The following KIFAP3 variants were observed in gnomAD, a reference collection of about 807,000 sequenced individuals.
KIFAP3 encodes the protein kinesin-associated protein 3.
In KIFAP3, 68 loss-of-function variants were observed where a neutral mutation model predicts 106.5. The observed-to-expected ratio is 0.64, with a 90% CI of 0.53 to 0.78. KIFAP3 has a LOEUF of 0.78. KIFAP3 is among the 30% of genes least tolerant of loss of function. The pLI is 0.00. For synonymous variants in KIFAP3, 320 were observed against 311.5 expected (o/e 1.03, Z -0.29); for missense variants, 780 against 941.8 (o/e 0.83, Z 2.25).
intron 19 of KIFAP3, among the ~76,000 whole-genome samples, chr1:169,938,628 A>G (rs1663936407): frequency 6.6e-6 from 1 of 152,146 alleles, no homozygotes; most frequent in Admixed American, 6.6e-5. Flanking sequence ...GTGCCAGTAG[A>G]TAGAACTTTG....
intron 17 of KIFAP3, among the ~76,000 whole-genome samples, chr1:169,970,340 A>G (rs1175800708): frequency 6.6e-6 from 1 of 152,088 alleles, no homozygotes; most frequent in African/African-American, 2.4e-5. Flanking sequence ...CTTGGTATCC[A>G]GAGTACTGCC....
chr1:170,051,981 A>G (rs1670597859), intron 2 of KIFAP3, among the ~76,000 whole-genome samples: 1 of 152,164 alleles, frequency 6.6e-6, no homozygotes, highest in South Asian at 2.1e-4. Context: ...AGAAGACAAG[A>G]AATAACTAAG....
intron 16 of KIFAP3, among the ~76,000 whole-genome samples, chr1:169,975,323 ACTAG>A (rs1277608803): frequency 6.6e-6 from 1 of 152,124 alleles, no homozygotes; most frequent in Non-Finnish European, 1.5e-5. Flanking sequence ...ATAAGTCTAC[ACTAG>A]CTATCTCATA....
chr1:169,941,313 T>C (rs959567570), intron 19 of KIFAP3, among the ~76,000 whole-genome samples: 2 of 152,178 alleles, frequency 1.3e-5, no homozygotes, highest in Admixed American at 6.5e-5. Flanking sequence ...ACCCTCCTCT[T>C]GTATTGGGGT....
chr1:169,938,816 T>C (rs1663947019), intron 19 of KIFAP3, among the ~76,000 whole-genome samples: 1 of 152,152 alleles, frequency 6.6e-6, no homozygotes, highest in South Asian at 2.1e-4. Context: ...ACTTGAAAGG[T>C]AAGAAGAAGC....
chr1:170,004,885 C>T (rs1312120080), intron 10 of KIFAP3, among the ~76,000 whole-genome samples: 1 of 151,624 alleles, frequency 6.6e-6, no homozygotes, highest in East Asian at 1.9e-4. Flanking sequence ...AGAACTTCTG[C>T]ACAGCAAAAG....
chr1:169,982,430 A>G (rs1301733304), intron 14 of KIFAP3, among the ~76,000 whole-genome samples: 1 of 152,094 alleles, frequency 6.6e-6, no homozygotes, highest in African/African-American at 2.4e-5. Context: ...GGTATTTGGT[A>G]ATTTTAAAGA....
chr1:170,034,310 C>A, intron 7 of KIFAP3, 62 bp downstream of exon 7: 1 of 1,494,742 alleles, frequency 6.7e-7, no homozygotes, highest in South Asian at 1.3e-5. Context: ...AAAACCATCC[C>A]ACCCATCCAA....
intron 10 of KIFAP3, among the ~76,000 whole-genome samples, chr1:170,005,364 C>A (rs879123130): frequency 6.6e-6 from 1 of 152,078 alleles, no homozygotes; most frequent in Non-Finnish European, 1.5e-5. Context: ...AGGGTATATA[C>A]CCAAAGGATT....
chr1:169,937,593 A>T (rs1377559536), intron 19 of KIFAP3, among the ~76,000 whole-genome samples: 1 of 151,850 alleles, frequency 6.6e-6, no homozygotes, highest in Admixed American at 6.6e-5. Flanking sequence ...ACTAATACAG[A>T]TTTTTAAAAT....
chr1:169,942,998 G>A (rs1438642300), intron 19 of KIFAP3, among the ~76,000 whole-genome samples: 2 of 135,330 alleles, frequency 1.5e-5, no homozygotes, highest in Admixed American at 9.2e-5. Context: ...ACTTATTAAC[G>A]CAGGTAGGTC....
At chr1:169,998,693 A>G (rs1304908505) in intron 10 of KIFAP3, among the ~76,000 whole-genome samples, 1 of 152,214 alleles carries the variant, frequency 6.6e-6, no homozygotes, top group African/African-American at 2.4e-5. Flanking sequence ...TATTTTATAA[A>G]CGGTCTTGTT....
chr1:169,942,825 G>C (rs1053129794), intron 19 of KIFAP3, among the ~76,000 whole-genome samples: 9 of 151,526 alleles, frequency 5.9e-5, no homozygotes, highest in African/African-American at 2.2e-4. Context: ...TGTCATAGCA[G>C]TTCAAGTGGT....
chr1:169,965,486 T>A (rs547046756), intron 17 of KIFAP3, among the ~76,000 whole-genome samples: 1 of 152,152 alleles, frequency 6.6e-6, no homozygotes, highest in East Asian at 1.9e-4. Flanking sequence ...CTGTGAAATG[T>A]TACAGAGGTA....
In KIFAP3 at chr1:169,983,288, T is replaced by C. The variant is rs1014332561; in HGVS notation, c.1488A>G (p.Pro496=). 10 of 1,600,292 alleles carry C rather than the reference T, an allele frequency of 6.2e-6. No homozygotes were observed. The highest frequency in any genetic ancestry group is 1.3e-5 in the African/African-American group (1 of 74,324). The change falls in exon 13 of 20, where the codon CCA becomes CCG. Residue 496 remains proline (P), a synonymous_variant. Transcript: ENST00000361580. ...MIRNISQHDG[P]TKNLFIDYVG... ...TACTTACAATAAACAGATTTTTAGT[T>C]GGTCCATCATGCTGAGAAATGTTTC...
intron 10 of KIFAP3, among the ~76,000 whole-genome samples, chr1:170,012,268 T>C (rs778955551): frequency 1.1e-4 from 17 of 152,022 alleles, no homozygotes; most frequent in Non-Finnish European, 2.1e-4. Context: ...GAAAAATACA[T>C]GGCGTTCTGG....
rs10690029 is a variant in KIFAP3, at chr1:169,928,699, CAAA to C, written c.2274-6921_2274-6919del. 3.2e-4 allele frequency among the ~76,000 whole-genome samples: 12 copies of C among 37,780 alleles called. 1 individual carries two copies. Among genetic ancestry groups the C allele is most frequent in the South Asian group, 3.1e-3 (2 of 646 alleles). 24.8% of individuals were successfully genotyped at this position (37,780 alleles called of 152,430 possible). On this transcript the variant is annotated intron_variant, in intron 19 of 19. Transcript: ENST00000361580. The stretch of plus-strand genomic sequence containing the variant: ...AACAGAGTGAGTGAGACCCTGTCTC[CAAA>C]AAAAAAAAAAAAAAAAAAATTAAAG...
rs2295487 is a variant in KIFAP3 at position 169,972,660 on chromosome 1, C to A, written c.1898-62G>T. 3.1e-4 allele frequency: 232 copies of A among 737,660 alleles called. 1 individual carries two copies. In the East Asian group the frequency reaches 6.4e-3, roughly 20 times the overall value. 45.7% of individuals were successfully genotyped at this position (737,660 alleles called of 1,614,324 possible). A position where few individuals can be genotyped will look rare whatever the true frequency, so the allele number is the denominator to read the frequency against. The stretch of plus-strand genomic sequence containing the variant: ...ATATTGTGGCTAGTCAATAATACTA[C>A]AAAAATCTCATATTTTTCTAAATCT... On this transcript the variant is annotated intron_variant, in intron 16 of 19. Coordinates refer to ENST00000361580, the MANE Select transcript of KIFAP3 (RefSeq NM_014970.4).
At chr1:170,031,074 C>T (rs904858056) in intron 8 of KIFAP3, among the ~76,000 whole-genome samples, 2 of 151,690 alleles carry the variant, frequency 1.3e-5, no homozygotes, top group African/African-American at 4.8e-5. Flanking sequence ...GAAACTTTTA[C>T]ATGAAAACAA....
Sources: allele counts gnomAD v4.1 joint callset (sites outside exome capture counted in the v4.1 genomes callset), GRCh38; gene constraint gnomAD v4.1.1; transcripts MANE v1.5; gene names NCBI Gene and HGNC (gene_info 2026-07-23, HGNC 2026-07-21).